The following ATXN1 variants were observed in gnomAD, a reference collection of about 807,000 sequenced individuals.
ATXN1 encodes the protein ataxin 1.
ATXN1 carries 8 observed loss-of-function variants against 56.4 expected under a neutral mutation model. The ratio of observed to expected loss-of-function variants is 0.14; its 90% confidence interval spans 0.08 to 0.26. The LOEUF (loss-of-function observed/expected upper bound fraction) is 0.26, where lower values mean the gene tolerates loss of function less well. Ranked by LOEUF, ATXN1 falls within the 10% of genes least tolerant of loss-of-function variation. The probability of loss-of-function intolerance (pLI) is 1.00; values close to 1 mark genes in which losing one functional copy is unlikely to be tolerated. For missense variants in ATXN1, 987 were observed against 1,106.5 expected (o/e 0.89, Z 1.53); for synonymous variants, 514 against 494.6 (o/e 1.04, Z -0.52).
intron 2 of ATXN1, among the ~76,000 whole-genome samples, chr6:16,706,376 A>G (rs1448452922): frequency 6.6e-6 from 1 of 152,170 alleles, no homozygotes; most frequent in Non-Finnish European, 1.5e-5. Flanking sequence ...ATCTTTGTTG[A>G]ATTAATGAAG....
At chr6:16,332,314 C>T (rs1317567401) in intron 6 of ATXN1, among the ~76,000 whole-genome samples, 1 of 152,160 alleles carries the variant, frequency 6.6e-6, no homozygotes, top group Admixed American at 6.5e-5. Context: ...GATGGCACCA[C>T]ATTCCTGGTC....
intron 7 of ATXN1, among the ~76,000 whole-genome samples, chr6:16,322,313 G>T (rs531528034): frequency 6.6e-6 from 1 of 152,248 alleles, no homozygotes; most frequent in East Asian, 1.9e-4. Context: ...AGCTCAGAGA[G>T]GTGAAGTAAC....
At position 16,579,490 on chromosome 6, in the gene ATXN1, C is replaced by A. The variant is rs937731602; in HGVS notation, c.-361+6290G>T. Among the ~76,000 whole-genome samples the A allele has an allele frequency of 2.3e-4, 10 of 42,936 alleles. 1 individual carries two copies. The East Asian group carries it at 3.5e-3, about 15-fold the overall frequency. The allele number at this position is 42,936 out of a possible 152,430, so 28.2% of individuals were successfully genotyped here. ...AGTACCTTGGTCAAAGCCCCCCCCCCCCACCCGCCGATTCATTCCCAAGTC... is the reference window on the plus strand; with the variant it reads ...AGTACCTTGGTCAAAGCCCCCCCCCACCACCCGCCGATTCATTCCCAAGTC... On this transcript the variant is annotated intron_variant, in intron 4 of 7. Transcript: ENST00000436367.
intron 4 of ATXN1, among the ~76,000 whole-genome samples, chr6:16,561,127 A>T (rs527649371): frequency 1.4e-4 from 22 of 152,152 alleles, no homozygotes; most frequent in Non-Finnish European, 2.9e-4. Context: ...ACCTTCGGAA[A>T]AATTTCTCTG....
intron 6 of ATXN1, among the ~76,000 whole-genome samples, chr6:16,336,315 T>C (rs1213452129): frequency 1.3e-5 from 2 of 152,152 alleles, no homozygotes; most frequent in Non-Finnish European, 2.9e-5. Context: ...ATTTTTCATG[T>C]AGAAAAGGGA....
At chr6:16,577,267 C>A (rs1762441276) in intron 4 of ATXN1, among the ~76,000 whole-genome samples, 1 of 152,096 alleles carries the variant, frequency 6.6e-6, no homozygotes, top group African/African-American at 2.4e-5. Flanking sequence ...CTCATGCCTG[C>A]AATCCCAGCC....
chr6:16,328,502 A>G lies in ATXN1; in HGVS notation c.-160-32T>C. The G allele has an allele frequency of 9.5e-7, 1 of 1,050,510 alleles. No homozygotes were observed. The highest frequency in any genetic ancestry group is 1.2e-6 in the Non-Finnish European group (1 of 803,000). 65.1% of individuals were successfully genotyped at this position (1,050,510 alleles called of 1,614,324 possible). A position where few individuals can be genotyped will look rare whatever the true frequency, so the allele number is the denominator to read the frequency against. On this transcript the variant is annotated intron_variant, in intron 6 of 7. Transcript: ENST00000436367. This position sits in a 1 kb window ranked among gnomAD's most constrained non-coding sequence, Gnocchi z 6.2. ...AAGGGAAGAGGGCAGTGACAAAGGG[A>G]AAAGGAAAGGGAGGAGAAAGGGAAG... is the stretch of plus-strand genomic sequence containing the variant.
At chr6:16,745,282 TG>T (rs1487891814) in intron 2 of ATXN1, among the ~76,000 whole-genome samples, 5 of 152,322 alleles carry the variant, frequency 3.3e-5, no homozygotes, top group Admixed American at 1.3e-4. Context: ...GGTAAATACT[TG>T]TGTGCAAAGA....
At chr6:16,401,234 C>G (rs1206606493) in intron 6 of ATXN1, among the ~76,000 whole-genome samples, 1 of 152,162 alleles carries the variant, frequency 6.6e-6, no homozygotes, top group Non-Finnish European at 1.5e-5. Context: ...TGCTTTGAAG[C>G]CACATTTGCC....
rs147121270 is a variant in ATXN1 at position 16,597,640 on chromosome 6, A to T, written c.-488-11733T>A. Among the ~76,000 whole-genome samples the T allele has an allele frequency of 2.1e-3, 325 of 152,216 alleles. 1 individual carries two copies. Among genetic ancestry groups the T allele is most frequent in the African/African-American group, 7.1e-3 (296 of 41,538 alleles). On this transcript the variant is annotated intron_variant, in intron 3 of 7. Transcript: ENST00000436367. ...TTTTCAGTCGAGACGGGGTTTCACC[A>T]TGTTGGTTAGGCTGATCTCAAACTC...
chr6:16,477,527 T>C (rs1760350699), intron 6 of ATXN1, among the ~76,000 whole-genome samples: 1 of 152,174 alleles, frequency 6.6e-6, no homozygotes, highest in African/African-American at 2.4e-5. Flanking sequence ...AGGCTCTCGT[T>C]ACACTGGATG....
chr6:16,640,697 A>G (rs547958992), intron 3 of ATXN1, among the ~76,000 whole-genome samples: 2 of 152,264 alleles, frequency 1.3e-5, no homozygotes, highest in East Asian at 3.9e-4. Context: ...AAGAAAAAAA[A>G]AAAAGAATAT....
chr6:16,530,445 A>G (rs1402985281), intron 4 of ATXN1, among the ~76,000 whole-genome samples: 2 of 152,212 alleles, frequency 1.3e-5, no homozygotes, highest in African/African-American at 4.8e-5. Flanking sequence ...GATTCCATGG[A>G]AGGGTTAAGG....
chr6:16,707,507 A>T (rs1035981084), intron 2 of ATXN1, among the ~76,000 whole-genome samples: 5 of 152,164 alleles, frequency 3.3e-5, no homozygotes, highest in South Asian at 2.1e-4. Flanking sequence ...TGTCTCAATA[A>T]CACCCCAATG....
At chr6:16,631,660 C>A (rs1000732052) in intron 3 of ATXN1, among the ~76,000 whole-genome samples, 8 of 152,212 alleles carry the variant, frequency 5.3e-5, no homozygotes, top group Non-Finnish European at 1.2e-4. Context: ...ATAGGACTCT[C>A]CCTTCTTTAG....
chr6:16,329,991 C>T (rs1235523251), intron 6 of ATXN1, among the ~76,000 whole-genome samples: 1 of 152,244 alleles, frequency 6.6e-6, no homozygotes, highest in Non-Finnish European at 1.5e-5. Flanking sequence ...ATTCTGAGAG[C>T]TGTGGGATTG....
At chr6:16,427,006 A>G (rs1480395093) in intron 6 of ATXN1, among the ~76,000 whole-genome samples, 1 of 151,964 alleles carries the variant, frequency 6.6e-6, no homozygotes, top group Admixed American at 6.6e-5. Flanking sequence ...CTCACCAATA[A>G]AGTCTATTCT....
chr6:16,749,941 A>T (rs144031530), intron 2 of ATXN1: 1 of 152,504 alleles, frequency 6.6e-6, no homozygotes, highest in African/African-American at 2.4e-5. Context: ...ACCAGCACCT[A>T]GGCTTCAGTC....
rs570026522 is a variant in ATXN1, at chr6:16,370,187, T to C, written c.-160-41717A>G. On this transcript the variant is annotated intron_variant, in intron 6 of 7. Transcript: ENST00000436367. ...GGAACTGATGTAGAAAGTTAAGTGA[T>C]GTTCTCCAGGCGACCCCGACAGAGC... 2.6e-5 allele frequency among the ~76,000 whole-genome samples: 4 copies of C among 152,254 alleles called. No individual in the cohort carries two copies. The South Asian group carries it at 8.3e-4, about 32-fold the overall frequency.
Sources: allele counts gnomAD v4.1 joint callset (sites outside exome capture counted in the v4.1 genomes callset), GRCh38; gene constraint gnomAD v4.1.1; non-coding constraint Gnocchi (gnomAD v3.1); transcripts MANE v1.5; gene names NCBI Gene and HGNC (gene_info 2026-07-23, HGNC 2026-07-21).